The following EHBP1 variants were observed in gnomAD, a reference collection of about 807,000 sequenced individuals.
The protein encoded by EHBP1 is EH domain binding protein 1.
Under a neutral mutation model 144.0 loss-of-function variants are expected in EHBP1, and 55 were observed. That is an observed-to-expected ratio of 0.38 (90% CI 0.31 to 0.48). The LOEUF is 0.48. Among genes scored for constraint, EHBP1 ranks in the 20% least tolerant of loss-of-function variants. The pLI, the probability that EHBP1 is intolerant of heterozygous loss-of-function variation, is 0.98. For missense variants in EHBP1, 1,200 were observed against 1,364.2 expected (o/e 0.88, Z 1.90); for synonymous variants, 469 against 472.7 (o/e 0.99, Z 0.10).
intron 6 of EHBP1, 101 bp downstream of exon 6, chr2:62,826,369 C>T: frequency 1.8e-6 from 2 of 1,105,194 alleles, no homozygotes; most frequent in Non-Finnish European, 2.5e-6. Flanking sequence ...TACAGCATAC[C>T]AATCATTTTT....
chr2:62,784,743 G>C (rs1263886984), intron 5 of EHBP1, among the ~76,000 whole-genome samples: 1 of 152,146 alleles, frequency 6.6e-6, no homozygotes, highest in Non-Finnish European at 1.5e-5. Context: ...AGAGTACTAG[G>C]GGTTGAAGCT....
chr2:62,818,630 A>G (rs751949241), intron 5 of EHBP1, among the ~76,000 whole-genome samples: 1 of 152,196 alleles, frequency 6.6e-6, no homozygotes, highest in Non-Finnish European at 1.5e-5. Context: ...CTCAAAATTC[A>G]GGAGTTAGAA....
intron 6 of EHBP1, among the ~76,000 whole-genome samples, chr2:62,827,958 C>A (rs534737269): frequency 6.6e-6 from 1 of 152,092 alleles, no homozygotes; most frequent in Admixed American, 6.5e-5. Context: ...TGTGAGCCAC[C>A]GCGCCCAGCC....
chr2:62,881,610 G>C (rs752125001), intron 10 of EHBP1: 13 of 152,024 alleles, frequency 8.6e-5, no homozygotes, highest in Non-Finnish European at 1.5e-4. Context: ...TCTCAGTCCA[G>C]TTAAATGTTT....
At chr2:62,834,948 CT>C (rs2047096638) in intron 7 of EHBP1, among the ~76,000 whole-genome samples, 1 of 152,050 alleles carries the variant, frequency 6.6e-6, no homozygotes, top group Non-Finnish European at 1.5e-5. Context: ...GTATATGTAT[CT>C]TTTTTTATAG....
chr2:62,993,122 G>T (rs1018775407), intron 16 of EHBP1, among the ~76,000 whole-genome samples: 3 of 152,134 alleles, frequency 2.0e-5, no homozygotes, highest in African/African-American at 7.2e-5. Context: ...GTTCAGTAGG[G>T]TAGTATTATA....
chr2:62,771,558 T>C, intron 5 of EHBP1, 166 bp downstream of exon 5: 1 of 526,114 alleles, frequency 1.9e-6, no homozygotes, highest in South Asian at 3.0e-5. Flanking sequence ...AGTAACAAAA[T>C]TATTTGTAAG....
chr2:62,946,855 A>G (rs2057101850), intron 12 of EHBP1, among the ~76,000 whole-genome samples: 1 of 152,316 alleles, frequency 6.6e-6, no homozygotes, highest in Admixed American at 6.5e-5. Context: ...GAATTGCTAC[A>G]TGAAGCAAAA....
intron 2 of EHBP1, among the ~76,000 whole-genome samples, chr2:62,713,988 G>C (rs1481105406): frequency 6.6e-6 from 1 of 152,116 alleles, no homozygotes; most frequent in African/African-American, 2.4e-5. Context: ...ATATTGATGT[G>C]CTTACATCAT....
At chr2:62,813,623 A>G (rs1001175846) in intron 5 of EHBP1, among the ~76,000 whole-genome samples, 9 of 152,226 alleles carry the variant, frequency 5.9e-5, no homozygotes, top group Non-Finnish European at 1.0e-4. Flanking sequence ...GACTGAGTCC[A>G]GCAAAGCCAT....
At chr2:62,990,984 G>A (rs1283066291) in intron 16 of EHBP1, 144 bp downstream of exon 16, 4 of 1,038,690 alleles carry the variant, frequency 3.9e-6, no homozygotes, top group African/African-American at 3.3e-5. Context: ...CTGGTGAGGT[G>A]TGGTGGCTCA....
intron 3 of EHBP1, among the ~76,000 whole-genome samples, chr2:62,755,904 GA>G (rs968678351): frequency 2.4e-4 from 37 of 151,706 alleles, no homozygotes; most frequent in African/African-American, 8.2e-4. Flanking sequence ...TTCAGGGCTT[GA>G]AAAAAAATTA....
In EHBP1 at chr2:62,695,868, G is replaced by A. The variant is rs573499738; in HGVS notation, c.-295-11029G>A. Among the ~76,000 whole-genome samples the A allele has an allele frequency of 4.6e-5, 7 of 151,252 alleles. No homozygotes were observed. In the East Asian group the frequency reaches 5.9e-4, roughly 13 times the overall value. On this transcript the variant is annotated intron_variant, in intron 1 of 22. Transcript: ENST00000405015. ...GCTGGGACCACAGGCGTGTGCCACC[G>A]CACCCAGCTAATTTTTGTATTTTTT...
intron 14 of EHBP1, among the ~76,000 whole-genome samples, chr2:62,966,556 T>G (rs1034793903): frequency 6.6e-6 from 1 of 152,218 alleles, no homozygotes; most frequent in African/African-American, 2.4e-5. Flanking sequence ...GAGTTATGTA[T>G]TATTTGTGTC....
intron 10 of EHBP1, among the ~76,000 whole-genome samples, chr2:62,917,567 T>C (rs1222420053): frequency 6.6e-6 from 1 of 152,186 alleles, no homozygotes; most frequent in Non-Finnish European, 1.5e-5. Context: ...ATGTTCTTAA[T>C]CCCAATGCTG....
intron 20 of EHBP1, 56 bp from the exon 21 acceptor site, chr2:63,038,687 T>G (rs2061541947): frequency 6.6e-7 from 1 of 1,519,784 alleles, no homozygotes; most frequent in South Asian, 1.1e-5. Flanking sequence ...AAGGTTCTTT[T>G]AAGTTTTTAA....
Position 62,859,221 on chromosome 2 carries a change from C to T in EHBP1, c.687C>T (p.Thr229=), listed in dbSNP as rs774967239. 97 of 1,611,402 alleles carry T rather than the reference C, an allele frequency of 6.0e-5. 2 individuals carry two copies. In the South Asian group the frequency reaches 8.8e-4, roughly 15 times the overall value. The change falls in exon 8 of 23, where the codon ACC becomes ACT. Residue 229 remains threonine (T), a synonymous_variant. Coordinates refer to ENST00000431489, the MANE Select transcript of EHBP1 (RefSeq NM_001142616.3). The stretch of plus-strand genomic sequence containing the variant: ...ATGAAGCAGAAAAGGACTTGGCCAC[C>T]GTGAATTCAAATCCATTTGATGATC... ...FLDEAEKDLA[T]VNSNPFDDPD... is the part of the protein sequence containing the mutation.
At chr2:62,953,362 A>G (rs879263702) in intron 13 of EHBP1, among the ~76,000 whole-genome samples, 2 of 151,920 alleles carry the variant, frequency 1.3e-5, no homozygotes, top group African/African-American at 4.8e-5. Context: ...TGATGCATCT[A>G]TACAATATAA....
intron 4 of EHBP1, among the ~76,000 whole-genome samples, chr2:62,769,589 C>T (rs1031442005): frequency 1.3e-5 from 2 of 151,998 alleles, no homozygotes; most frequent in African/African-American, 4.8e-5. Context: ...CTGCCCAAAG[C>T]AATTTACAGA....
Sources: gnomAD v4.1 joint callset for allele counts (sites outside exome capture counted in the v4.1 genomes callset) on GRCh38, gnomAD v4.1.1 for gene constraint, MANE v1.5 for transcripts, NCBI Gene and HGNC (gene_info 2026-07-23, HGNC 2026-07-21) for gene names.